OR10H1: variants seen among roughly 807,000 people sequenced by gnomAD.
OR10H1 encodes the protein olfactory receptor family 10 subfamily H member 1, also known as olfactory receptor 10H1.
Under a neutral mutation model 13.1 loss-of-function variants are expected in OR10H1, and 12 were observed. That is an observed-to-expected ratio of 0.92 (90% CI 0.59 to 1.48). The LOEUF (loss-of-function observed/expected upper bound fraction) is 1.48. OR10H1 is among the 40% of genes most tolerant of loss of function. OR10H1 has a pLI of 0.00. For synonymous variants in OR10H1, 168 were observed against 175.6 expected (o/e 0.96, Z 0.34); for missense variants, 363 against 413.1 (o/e 0.88, Z 1.05).
Position 15,814,444 on chromosome 19 carries a change from C to CT in OR10H1, c.-778+1110dup, listed in dbSNP as rs1192292572. ...ACCACCTGCTCCCATTGACGCCTCC[C>CT]TTGTGTGTGTGTGTGTGTGTGTGTG... On this transcript the variant is annotated intron_variant, in intron 1 of 3. Transcript: ENST00000641419. Among the ~76,000 whole-genome samples, 95 of 72,444 alleles carry CT rather than the reference C, an allele frequency of 1.3e-3. 2 individuals are homozygous for CT. The South Asian group carries it at 0.055, about 42-fold the overall frequency. 47.5% of individuals were successfully genotyped at this position (72,444 alleles called of 152,430 possible). A position where few individuals can be genotyped will look rare whatever the true frequency, so the allele number is the denominator to read the frequency against.
rs756676315 is a variant in OR10H1 at position 15,808,043 on chromosome 19, C to A, written c.-6G>T. On this transcript the variant is annotated 5_prime_UTR_variant, in exon 4 of 4. Transcript: ENST00000641419. ...GAGTGATTGGCTCTCTGCATGGAGGCTGTGCCTGGGGTGAGATGTGACAGG... is the reference window on the plus strand; with the variant it reads ...GAGTGATTGGCTCTCTGCATGGAGGATGTGCCTGGGGTGAGATGTGACAGG... The A allele has an allele frequency of 6.2e-7, 1 of 1,604,782 alleles. No individual in the cohort carries two copies. The highest frequency in any genetic ancestry group is 1.1e-5 in the South Asian group (1 of 90,452).
rs1470808226 is a variant in OR10H1, at chr19:15,806,863, G to A, written c.*218C>T. 2 of 516,364 alleles carry A rather than the reference G, an allele frequency of 3.9e-6. No individual in the cohort carries two copies. Among genetic ancestry groups the A allele is most frequent in the African/African-American group, 3.8e-5 (2 of 52,134 alleles). The allele number at this position is 516,364 out of a possible 1,614,324, so 32.0% of individuals were successfully genotyped here. A position where few individuals can be genotyped will look rare whatever the true frequency, so the allele number is the denominator to read the frequency against. On this transcript the variant is annotated 3_prime_UTR_variant, in exon 4 of 4. Transcript: ENST00000641419. ...TGCCTCAGCCTCCCAAGTAGCTAGG[G>A]TTACAGGCATGTGCCAACATGCCTG...
rs754310149 is a variant in OR10H1 at position 15,807,240 on chromosome 19, G to C, written c.798C>G (p.Pro266=). 2 of 1,614,116 alleles carry C rather than the reference G, an allele frequency of 1.2e-6. No individual in the cohort carries two copies. The highest frequency in any genetic ancestry group is 2.2e-5 in the East Asian group (1 of 44,874). Residue 266 remains proline (P), a synonymous_variant, in exon 4 of 4, where the codon CCC becomes CCG. Coordinates refer to ENST00000641419, the MANE Select transcript of OR10H1 (RefSeq NM_013940.4). ...ASVIYLKPKS[P]QSLEGDTLMG... The stretch of plus-strand genomic sequence containing the variant: ...TCAAGGTGTCTCCTTCCAGAGACTG[G>C]GGACTTTTGGGCTTCAGGTAAATGA...
rs2088940774 is a variant in OR10H1 at position 15,812,694 on chromosome 19, AAAG to A, written c.-596_-594del. The A allele has an allele frequency of 6.9e-6, 1 of 145,716 alleles. No individual in the cohort carries two copies. The highest frequency in any genetic ancestry group is 1.5e-5 in the Non-Finnish European group (1 of 66,472). The allele number at this position is 145,716 out of a possible 1,614,324, so 9.0% of individuals were successfully genotyped here. A position where few individuals can be genotyped will look rare whatever the true frequency, so the allele number is the denominator to read the frequency against. ...AAGGAAGGAAGGAGAGTGAGGGAGG[AAAG>A]AAGGAGAGTGAGATAGGAAGAAACG... On this transcript the variant is annotated 5_prime_UTR_variant, in exon 2 of 4. Transcript: ENST00000641419.
At chr19:15,811,454 C>CT (rs2088932055) in intron 2 of OR10H1, among the ~76,000 whole-genome samples, 1 of 152,124 alleles carries the variant, frequency 6.6e-6, no homozygotes, top group Admixed American at 6.5e-5. Flanking sequence ...TCCCTGGTCT[C>CT]TGTCAACTCA....
chr19:15,811,067 G>C (rs928424178), intron 2 of OR10H1, among the ~76,000 whole-genome samples: 5 of 152,082 alleles, frequency 3.3e-5, no homozygotes, highest in African/African-American at 1.2e-4. Flanking sequence ...GGAAGAACCA[G>C]CTCCTTTGGT....
At chr19:15,811,947 G>A (rs916961) in intron 2 of OR10H1, among the ~76,000 whole-genome samples, 58,961 of 152,052 alleles carry the variant, frequency 0.39, 12,232 homozygotes, top group African/African-American at 0.51. Context: ...TACAGCACCA[G>A]TGCTGTGTAC....
intron 3 of OR10H1, 75 bp from the exon 4 acceptor site, chr19:15,808,123 T>G: frequency 8.0e-7 from 1 of 1,246,730 alleles, no homozygotes; most frequent in Non-Finnish European, 1.1e-6. Flanking sequence ...TACCTGGATT[T>G]GCCCAAGGGA....
rs375583661 is a variant in OR10H1 at position 15,807,199 on chromosome 19, G to A, written c.839C>T (p.Thr280Met). The part of the protein sequence containing the change: ...EGDTLMGITY[T>M]VLTPFLSPII... ...GGGGCTGAGGAAGGGTGTGAGGACC[G>A]TGTAGGTGATGCCCATCAAGGTGTC... is the stretch of plus-strand genomic sequence containing the variant. Residue 280 changes from threonine (T) to methionine (M), a missense_variant, in exon 4 of 4, where the codon ACG becomes ATG. Physicochemically the swap from Thr to Met is moderately conservative, Grantham distance 81. Around this residue, in one of 3 missense-constraint regions of OR10H1, gnomAD observed 318 missense variants for 366.6 expected, o/e 0.87. Transcript: ENST00000641419. The A allele has an allele frequency of 6.2e-6, 10 of 1,614,026 alleles. No homozygotes were observed. The highest frequency in any genetic ancestry group is 8.5e-6 in the Non-Finnish European group (10 of 1,180,044).
At chr19:15,808,671 G>C (rs761246063) in intron 3 of OR10H1, 54 bp downstream of exon 3, 2 of 152,400 alleles carry the variant, frequency 1.3e-5, no homozygotes, top group African/African-American at 2.4e-5. Context: ...CCAAAATGGT[G>C]AAACCCCATC....
At position 15,807,677 on chromosome 19, in the gene OR10H1, C is replaced by T. The variant is rs893357990; in HGVS notation, c.361G>A (p.Asp121Asn). The T allele has an allele frequency of 8.7e-6, 14 of 1,613,884 alleles. No individual in the cohort carries two copies. Among genetic ancestry groups the T allele is most frequent in the African/African-American group, 6.7e-5 (5 of 74,904 alleles). Residue 121 changes from aspartate to asparagine, a missense_variant, in exon 4 of 4, where the codon GAC (aspartate) becomes AAC (asparagine). Around this residue, in one of 3 missense-constraint regions of OR10H1, gnomAD observed 318 missense variants for 366.6 expected, o/e 0.87. Transcript: ENST00000641419. ...GGGTGGCAGATGGCCACGTAGCGGT[C>T]GTAGCCCATGACGGTGAGCAGGAAG... ...HSFLLTVMGY[D>N]RYVAICHPLR...
Position 15,804,746 on chromosome 19 carries a change from G to A in OR10H1, c.*2335C>T, listed in dbSNP as rs2088886073. 6.6e-6 allele frequency: 1 copy of A among 152,194 alleles called. No individual in the cohort carries two copies. Among genetic ancestry groups the A allele is most frequent in the Non-Finnish European group, 1.5e-5 (1 of 68,044 alleles). 9.4% of individuals were successfully genotyped at this position (152,194 alleles called of 1,614,324 possible). A position where few individuals can be genotyped will look rare whatever the true frequency, so the allele number is the denominator to read the frequency against. ...CCTTTGGGTATATACCCAGTAATGG[G>A]ATGGCTGGGTCAAATGATATTTCTA... On this transcript the variant is annotated 3_prime_UTR_variant, in exon 4 of 4. Coordinates refer to ENST00000641419, the MANE Select transcript of OR10H1 (RefSeq NM_013940.4).
Position 15,812,308 on chromosome 19 carries a change from A to G in OR10H1, c.-207T>C, listed in dbSNP as rs2144944472. 1 of 152,154 alleles carries G rather than the reference A, an allele frequency of 6.6e-6. No homozygotes were observed. Among genetic ancestry groups the G allele is most frequent in the African/African-American group, 2.4e-5 (1 of 41,468 alleles). The allele number at this position is 152,154 out of a possible 1,614,324, so 9.4% of individuals were successfully genotyped here. A position where few individuals can be genotyped will look rare whatever the true frequency, so the allele number is the denominator to read the frequency against. ...TGACCGTCTACACACTCTTGTTCAT[A>G]TCAATTCAGATCACAAGAATCGACA... On this transcript the variant is annotated 5_prime_UTR_variant, in exon 2 of 4. Transcript: ENST00000641419.
At chr19:15,809,829 A>G (rs1487691960) in intron 2 of OR10H1, among the ~76,000 whole-genome samples, 1 of 150,712 alleles carries the variant, frequency 6.6e-6, no homozygotes, top group Non-Finnish European at 1.5e-5. Flanking sequence ...TTTTTTTTTC[A>G]AAAGACAGGG....
At chr19:15,811,793 A>G (rs1201486460) in intron 2 of OR10H1, among the ~76,000 whole-genome samples, 2 of 152,186 alleles carry the variant, frequency 1.3e-5, no homozygotes, top group Non-Finnish European at 2.9e-5. Context: ...CATTGGTTCA[A>G]TTCTCGCTCT....
Position 15,805,073 on chromosome 19 carries a change from G to A in OR10H1, c.*2008C>T, listed in dbSNP as rs962056707. 2 of 151,916 alleles carry A rather than the reference G, an allele frequency of 1.3e-5. No individual in the cohort carries two copies. Among genetic ancestry groups the A allele is most frequent in the African/African-American group, 4.8e-5 (2 of 41,374 alleles). 9.4% of individuals were successfully genotyped at this position (151,916 alleles called of 1,614,324 possible). A position where few individuals can be genotyped will look rare whatever the true frequency, so the allele number is the denominator to read the frequency against. The stretch of plus-strand genomic sequence containing the variant: ...TGCCCACTTTTTGATGGGATTGTTT[G>A]TTTTTTTCTTGTAAATTTGTTTGAG... On this transcript the variant is annotated 3_prime_UTR_variant, in exon 4 of 4. Transcript: ENST00000641419.
chr19:15,814,475 GTGTGT>G (rs1205187083), intron 1 of OR10H1, among the ~76,000 whole-genome samples: 1 of 30,294 alleles, frequency 3.3e-5, no homozygotes, highest in African/African-American at 2.0e-4. Flanking sequence ...GTGTGTGTGT[GTGTGT>G]GAGAGAGAGA....
In OR10H1 at chr19:15,807,613, G is replaced by A; in HGVS notation, c.425C>T (p.Ala142Val). ...YNVLMSPRGC[A>V]CLVGCSWAGG... ...AGCCCAGGAGCAGCCCACCAGGCAG[G>A]CGCAGCCCCGCGGGCTCATGAGCAC... The change falls in exon 4 of 4, where the codon GCC becomes GTC. Residue 142 changes from alanine to valine, a missense_variant. Around this residue, in one of 3 missense-constraint regions of OR10H1, gnomAD observed 318 missense variants for 366.6 expected, o/e 0.87. Transcript: ENST00000641419. 6 of 1,614,212 alleles carry A rather than the reference G, an allele frequency of 3.7e-6. No individual in the cohort carries two copies. The highest frequency in any genetic ancestry group is 5.1e-6 in the Non-Finnish European group (6 of 1,180,040).
At chr19:15,814,508 A>T (rs1453450772) in intron 1 of OR10H1, among the ~76,000 whole-genome samples, 73 of 129,902 alleles carry the variant, frequency 5.6e-4, no homozygotes, top group African/African-American at 1.5e-3. Flanking sequence ...AGAGAGAGAG[A>T]GAGAGAGAGA....
Sources: gnomAD v4.1 joint callset for allele counts (sites outside exome capture counted in the v4.1 genomes callset) on GRCh38, gnomAD v4.1.1 for gene constraint, gnomAD v4.1.1 regional missense constraint, MANE v1.5 for transcripts, NCBI Gene and HGNC (gene_info 2026-07-23, HGNC 2026-07-21) for gene names.